DLGAP1: variants seen among roughly 807,000 people sequenced by gnomAD.
DLGAP1 encodes the protein disks large-associated protein 1.
In DLGAP1, 11 loss-of-function variants were observed where a neutral mutation model predicts 90.8. The ratio of observed to expected loss-of-function variants is 0.12; its 90% confidence interval spans 0.08 to 0.20. The LOEUF is 0.20. Ranked by LOEUF, DLGAP1 falls within the 10% of genes least tolerant of loss-of-function variation. DLGAP1 has a pLI of 1.00. For synonymous variants in DLGAP1, 558 were observed against 540.7 expected (o/e 1.03, Z -0.44); for missense variants, 1,050 against 1,333.8 (o/e 0.79, Z 3.31).
chr18:3,594,112 A>C (rs1193457089), intron 7 of DLGAP1: 1 of 152,166 alleles, frequency 6.6e-6, no homozygotes, highest in Non-Finnish European at 1.5e-5. Context: ...CAGGCAATCC[A>C]CAGCAGCTGC....
At chr18:4,109,445 G>A (rs1291455104) in intron 2 of DLGAP1, among the ~76,000 whole-genome samples, 1 of 152,108 alleles carries the variant, frequency 6.6e-6, no homozygotes, top group African/African-American at 2.4e-5. Flanking sequence ...CACTTCACAG[G>A]GTGACTGGAA....
At chr18:3,998,859 A>G (rs919648210) in intron 3 of DLGAP1, among the ~76,000 whole-genome samples, 1 of 152,210 alleles carries the variant, frequency 6.6e-6, no homozygotes, top group African/African-American at 2.4e-5. Context: ...TCATTATGAT[A>G]ACATTCCGCT....
chr18:4,326,622 A>AT (rs1256364849), intron 1 of DLGAP1, among the ~76,000 whole-genome samples: 1 of 152,212 alleles, frequency 6.6e-6, no homozygotes, highest in Non-Finnish European at 1.5e-5. Context: ...CTGGATAAGG[A>AT]AAATGTGGTA....
intron 3 of DLGAP1, among the ~76,000 whole-genome samples, chr18:4,000,176 A>G (rs1156863906): frequency 7.2e-5 from 11 of 152,082 alleles, no homozygotes; most frequent in Non-Finnish European, 1.3e-4. Flanking sequence ...TAACATCTTC[A>G]TATTATCTAT....
intron 2 of DLGAP1, among the ~76,000 whole-genome samples, chr18:4,079,326 CA>C (rs2075570498): frequency 1.6e-5 from 2 of 126,318 alleles, no homozygotes; most frequent in African/African-American, 6.1e-5. Flanking sequence ...CACACACACA[CA>C]CACACACACC....
At chr18:4,315,533 C>A (rs994211167) in intron 1 of DLGAP1, among the ~76,000 whole-genome samples, 8 of 152,092 alleles carry the variant, frequency 5.3e-5, no homozygotes, top group Non-Finnish European at 1.2e-4. Context: ...TAGAAGTAGA[C>A]AAGTAAAAAG....
chr18:4,422,301 T>C (rs2083057859), intron 1 of DLGAP1, among the ~76,000 whole-genome samples: 1 of 151,948 alleles, frequency 6.6e-6, no homozygotes, highest in South Asian at 2.1e-4. Flanking sequence ...TTTACTGACA[T>C]ATAAAATAAT....
intron 10 of DLGAP1, among the ~76,000 whole-genome samples, chr18:3,513,255 C>G (rs1434735219): frequency 6.6e-6 from 1 of 152,140 alleles, no homozygotes; most frequent in East Asian, 1.9e-4. Flanking sequence ...ATACCACATT[C>G]CATTTATCCA....
intron 1 of DLGAP1, among the ~76,000 whole-genome samples, chr18:4,171,437 C>T (rs1226473699): frequency 1.3e-5 from 2 of 151,874 alleles, no homozygotes; most frequent in African/African-American, 4.8e-5. Flanking sequence ...AGGTGGCAGG[C>T]GCCTGTAGTC....
intron 1 of DLGAP1, among the ~76,000 whole-genome samples, chr18:4,382,477 C>A (rs2082145974): frequency 8.0e-6 from 1 of 125,244 alleles, no homozygotes; most frequent in Non-Finnish European, 1.6e-5. Flanking sequence ...CCAATAAAAA[C>A]AGCATTATGC....
At chr18:3,976,333 G>A (rs182450849) in intron 3 of DLGAP1, among the ~76,000 whole-genome samples, 156 of 142,272 alleles carry the variant, frequency 1.1e-3, no homozygotes, top group African/African-American at 4.0e-3. Flanking sequence ...CTCCAGCCTG[G>A]GCAACAAGAG....
chr18:4,370,743 C>T (rs1265718765), intron 1 of DLGAP1, among the ~76,000 whole-genome samples: 1 of 143,510 alleles, frequency 7.0e-6, no homozygotes, highest in Non-Finnish European at 1.5e-5. Context: ...CCAAATTCTG[C>T]TGTATGTGTA....
intron 3 of DLGAP1, among the ~76,000 whole-genome samples, chr18:3,911,888 A>C (rs1304488540): frequency 6.6e-6 from 1 of 152,254 alleles, no homozygotes; most frequent in African/African-American, 2.4e-5. Flanking sequence ...AGCATACAGC[A>C]GTGAAAAGTC....
At chr18:4,030,014 C>T (rs530349144) in intron 2 of DLGAP1, among the ~76,000 whole-genome samples, 2 of 152,198 alleles carry the variant, frequency 1.3e-5, no homozygotes, top group African/African-American at 2.4e-5. Context: ...TTTTTTGAGA[C>T]GGGAGTCTCG....
At chr18:3,522,546 CTTT>C (rs532794429) in intron 10 of DLGAP1, among the ~76,000 whole-genome samples, 3 of 116,560 alleles carry the variant, frequency 2.6e-5, no homozygotes, top group Non-Finnish European at 3.4e-5. Context: ...GCAGTCAACT[CTTT>C]TTTTTTTTTT....
intron 1 of DLGAP1, among the ~76,000 whole-genome samples, chr18:4,319,261 C>G (rs374675389): frequency 7.2e-5 from 11 of 152,280 alleles, no homozygotes; most frequent in East Asian, 5.8e-4. Flanking sequence ...AATGTATCAC[C>G]TCTGGAACAA....
intron 1 of DLGAP1, among the ~76,000 whole-genome samples, chr18:4,346,345 A>G (rs2081302323): frequency 6.6e-6 from 1 of 152,176 alleles, no homozygotes; most frequent in Non-Finnish European, 1.5e-5. Flanking sequence ...AGCTATGCAC[A>G]TCCTCTGCAG....
chr18:4,210,873 G>C (rs1199035045), intron 1 of DLGAP1, among the ~76,000 whole-genome samples: 1 of 152,182 alleles, frequency 6.6e-6, no homozygotes, highest in East Asian at 1.9e-4. Context: ...TTACATGTAA[G>C]GAAGCTGAAG....
At chr18:3,542,437 T>C (rs1048307990) in intron 9 of DLGAP1, among the ~76,000 whole-genome samples, 1 of 152,246 alleles carries the variant, frequency 6.6e-6, no homozygotes, top group African/African-American at 2.4e-5. Flanking sequence ...AAGTGTTCTC[T>C]TCTGATTTTC....
Sources: gnomAD v4.1 joint callset for allele counts (sites outside exome capture counted in the v4.1 genomes callset) on GRCh38, gnomAD v4.1.1 for gene constraint, MANE v1.5 for transcripts, NCBI Gene and HGNC (gene_info 2026-07-23, HGNC 2026-07-21) for gene names.